Variants in ZNF728 observed in about 807,000 individuals in gnomAD.
ZNF728 encodes the protein zinc finger protein 728.
Under a neutral mutation model 12.5 loss-of-function variants are expected in ZNF728, and 12 were observed. The ratio of observed to expected loss-of-function variants is 0.96; its 90% CI spans 0.61 to 1.55. ZNF728 has a LOEUF of 1.55. ZNF728 is among the 40% of genes most tolerant of loss of function. The probability of loss-of-function intolerance (pLI) is 0.00; values close to 1 mark genes in which losing one functional copy is unlikely to be tolerated. For missense variants in ZNF728, 692 were observed against 719.2 expected (o/e 0.96, Z 0.43); for synonymous variants, 205 against 240.7 (o/e 0.85, Z 1.37).
intron 3 of ZNF728, among the ~76,000 whole-genome samples, chr19:22,982,274 A>G (rs568073955): frequency 3.2e-4 from 49 of 152,326 alleles, no homozygotes; most frequent in African/African-American, 1.2e-3. Flanking sequence ...AATTGCTACA[A>G]AGAGAATAAA....
intron 1 of ZNF728, among the ~76,000 whole-genome samples, chr19:23,000,890 A>AAAAAAAAAACC (rs1969105956): frequency 1.2e-5 from 1 of 81,436 alleles, no homozygotes. Flanking sequence ...AAAAAACCAA[A>AAAAAAAAAACC]AAAAAAAAAA....
At chr19:22,981,722 A>G (rs1968862927) in intron 3 of ZNF728, among the ~76,000 whole-genome samples, 2 of 152,208 alleles carry the variant, frequency 1.3e-5, no homozygotes, top group Admixed American at 6.6e-5. Context: ...GGCTGGTTCA[A>G]CATATGCAAA....
Position 22,975,782 on chromosome 19 carries a change from T to C in ZNF728, c.1555A>G (p.Lys519Glu), listed in dbSNP as rs778702506. ...KCEECGKAFSKVANLTKHKVI... is the reference protein window; with the variant it reads ...KCEECGKAFSEVANLTKHKVI... ...TTATGTTTAGTAAGGTTTGCAACCT[T>C]ACTGAAGGCTTTGCCACATTCTTCA... The change falls in exon 4 of 4, where the codon AAG becomes GAG. Residue 519 changes from lysine to glutamate, a missense_variant. Physicochemically the swap from Lys to Glu is moderately conservative, Grantham distance 56. This residue lies in a region of ZNF728 where 244 missense variants were observed against 235.2 expected (regional missense o/e 1.04). Coordinates refer to ENST00000594710, the MANE Select transcript of ZNF728 (RefSeq NM_001267716.2). The C allele has an allele frequency of 1.1e-5, 18 of 1,607,264 alleles. No homozygotes were observed. The Admixed American group carries it at 3.0e-4, about 27-fold the overall frequency.
intron 1 of ZNF728, among the ~76,000 whole-genome samples, chr19:22,992,128 A>G (rs546853762): frequency 9.2e-5 from 14 of 152,316 alleles, no homozygotes; most frequent in Admixed American, 8.5e-4. Flanking sequence ...GTTTTTGCAC[A>G]CAGCTATTTA....
chr19:22,982,951 G>C (rs1968876301), intron 3 of ZNF728, among the ~76,000 whole-genome samples: 1 of 152,078 alleles, frequency 6.6e-6, no homozygotes, highest in African/African-American at 2.4e-5. Context: ...ACAGGCATGG[G>C]CAAAGACTTC....
intron 1 of ZNF728, among the ~76,000 whole-genome samples, chr19:23,000,873 A>AAAAAC (rs1555703741): frequency 3.6e-5 from 5 of 139,878 alleles, no homozygotes; most frequent in African/African-American, 1.2e-4. Context: ...GTCAAAAAAA[A>AAAAAC]AAAAAAAAAA....
At chr19:23,000,083 T>C (rs1969091178) in intron 1 of ZNF728, among the ~76,000 whole-genome samples, 1 of 152,094 alleles carries the variant, frequency 6.6e-6, no homozygotes, top group African/African-American at 2.4e-5. Context: ...AAAACACACC[T>C]GAAGGCCAGG....
chr19:22,984,244 T>TACA (rs112790332), intron 3 of ZNF728, among the ~76,000 whole-genome samples: 46,115 of 151,186 alleles, frequency 0.31, 9,101 homozygotes, highest in African/African-American at 0.57. Context: ...AATGCAAGTA[T>TACA]ACAATAATAG....
chr19:22,986,237 A>G (rs1968915515), intron 3 of ZNF728, among the ~76,000 whole-genome samples: 1 of 151,984 alleles, frequency 6.6e-6, no homozygotes, highest in Non-Finnish European at 1.5e-5. Context: ...CCCATTGTCA[A>G]TGCTTCTATT....
At chr19:22,994,793 G>C (rs1969031257) in intron 1 of ZNF728, among the ~76,000 whole-genome samples, 1 of 152,132 alleles carries the variant, frequency 6.6e-6, no homozygotes, top group South Asian at 2.1e-4. Context: ...TAAAGCAATA[G>C]GTCTCTACTC....
intron 3 of ZNF728, among the ~76,000 whole-genome samples, chr19:22,983,184 A>C (rs1409027062): frequency 6.6e-6 from 1 of 152,152 alleles, no homozygotes; most frequent in Non-Finnish European, 1.5e-5. Flanking sequence ...ACACCCCATC[A>C]AAAAGTGGGC....
chr19:22,997,364 T>C (rs1164419203), intron 1 of ZNF728, among the ~76,000 whole-genome samples: 1 of 152,120 alleles, frequency 6.6e-6, no homozygotes, highest in Non-Finnish European at 1.5e-5. Context: ...CTGGAAACCA[T>C]ACAATTAAAT....
intron 3 of ZNF728, among the ~76,000 whole-genome samples, 168 bp from the exon 4 acceptor site, chr19:22,977,278 T>C (rs1044165234): frequency 1.3e-5 from 2 of 152,134 alleles, no homozygotes; most frequent in African/African-American, 4.8e-5. Context: ...CAGACCAAAA[T>C]ACATATGTAG....
intron 1 of ZNF728, among the ~76,000 whole-genome samples, chr19:22,997,767 A>G (rs2145354257): frequency 6.6e-6 from 1 of 152,192 alleles, no homozygotes; most frequent in African/African-American, 2.4e-5. Context: ...AGCTAGGTTA[A>G]TGAAGATACG....
chr19:22,984,056 T>C (rs1968888322), intron 3 of ZNF728, among the ~76,000 whole-genome samples: 1 of 151,864 alleles, frequency 6.6e-6, no homozygotes, highest in South Asian at 2.1e-4. Flanking sequence ...TTAAAGGTGG[T>C]ATAAAACAAC....
Position 22,976,709 on chromosome 19 carries a change from A to C in ZNF728, c.628T>G (p.Phe210Val), listed in dbSNP as rs763273063. ...TAAGTAAGGGCTGAGGACCAGTTAA[A>C]GGCTTTGCCATGTTCTTCACTTTTG... Reference protein sequence around the residue: ...SYKSEEHGKAFNWSSALTYKR... With the variant: ...SYKSEEHGKAVNWSSALTYKR... The change falls in exon 4 of 4, where the codon TTT becomes GTT. Residue 210 changes from phenylalanine (F) to valine (V), a missense_variant. Transcript: ENST00000594710. 4 of 1,613,466 alleles carry C rather than the reference A, an allele frequency of 2.5e-6. No individual in the cohort carries two copies. Among genetic ancestry groups the C allele is most frequent in the Middle Eastern group, 1.6e-4 (1 of 6,062 alleles).
chr19:22,990,415 A>C (rs945924861), intron 1 of ZNF728, among the ~76,000 whole-genome samples: 5 of 152,332 alleles, frequency 3.3e-5, no homozygotes, highest in African/African-American at 9.6e-5. Flanking sequence ...CACAGGCAGA[A>C]GGACCAAGAC....
At chr19:23,002,477 A>G (rs1409200380) in intron 1 of ZNF728, among the ~76,000 whole-genome samples, 1 of 152,216 alleles carries the variant, frequency 6.6e-6, no homozygotes, top group Admixed American at 6.5e-5. Flanking sequence ...CTAACCAATT[A>G]TCGAATTTGG....
intron 3 of ZNF728, among the ~76,000 whole-genome samples, chr19:22,982,451 T>C (rs1968870369): frequency 6.6e-6 from 1 of 152,180 alleles, no homozygotes; most frequent in Non-Finnish European, 1.5e-5. Flanking sequence ...CAAAGTAATT[T>C]ATAGATTCAA....
Sources: allele counts gnomAD v4.1 joint callset (sites outside exome capture counted in the v4.1 genomes callset), GRCh38; gene constraint gnomAD v4.1.1; regional missense constraint gnomAD v4.1.1; transcripts MANE v1.5; gene names NCBI Gene and HGNC (gene_info 2026-07-23, HGNC 2026-07-21).